The following SUMF1 variants were observed in gnomAD, a reference collection of about 807,000 sequenced individuals.
SUMF1 encodes formylglycine-generating enzyme.
In SUMF1, 48 loss-of-function variants were observed where a neutral mutation model predicts 47.6. The observed-to-expected ratio is 1.01, with a 90% CI of 0.80 to 1.28. The LOEUF (loss-of-function observed/expected upper bound fraction) is 1.28. Among genes scored for constraint, SUMF1 ranks in the 50% most tolerant of loss-of-function variants. SUMF1 has a pLI of 0.00. For synonymous variants in SUMF1, 230 were observed against 192.1 expected (o/e 1.20, Z -1.63); for missense variants, 571 against 485.4 (o/e 1.18, Z -1.66).
At chr3:4,274,943 A>C (rs1697381735) in intron 8 of SUMF1, among the ~76,000 whole-genome samples, 1 of 152,128 alleles carries the variant, frequency 6.6e-6, no homozygotes, top group Admixed American at 6.5e-5. Context: ...ACAAAGGAAA[A>C]AGTCCAAATG....
intron 8 of SUMF1, among the ~76,000 whole-genome samples, chr3:4,283,834 C>T (rs935923705): frequency 2.6e-5 from 4 of 152,050 alleles, no homozygotes; most frequent in Non-Finnish European, 5.9e-5. Context: ...GCATATTTGG[C>T]GTCTGGTAAG....
intron 8 of SUMF1, among the ~76,000 whole-genome samples, chr3:4,179,974 CA>C (rs986385045): frequency 5.4e-4 from 82 of 152,268 alleles, no homozygotes; most frequent in African/African-American, 1.9e-3. Flanking sequence ...TAGAGAAACA[CA>C]AATGAAAACC....
rs1699769854 is a variant in SUMF1 at position 4,361,863 on chromosome 3, C to G, written c.*281G>C. ...AGAGCCTGCGTAGGACGCGGGCCTCCTGAAGCCTAGCTCAGGGTTCCCTCC... is the reference window on the plus strand; with the variant it reads ...AGAGCCTGCGTAGGACGCGGGCCTCGTGAAGCCTAGCTCAGGGTTCCCTCC... On this transcript the variant is annotated 3_prime_UTR_variant, in exon 9 of 9. Coordinates refer to ENST00000272902, the MANE Select transcript of SUMF1 (RefSeq NM_182760.4). The G allele has an allele frequency of 2.3e-6, 1 of 427,220 alleles. No individual in the cohort carries two copies. Among genetic ancestry groups the G allele is most frequent in the African/African-American group, 2.0e-5 (1 of 49,512 alleles). The allele number at this position is 427,220 out of a possible 1,614,324, so 26.5% of individuals were successfully genotyped here.
chr3:4,178,915 A>G (rs1325959863), intron 8 of SUMF1, among the ~76,000 whole-genome samples: 1 of 152,210 alleles, frequency 6.6e-6, no homozygotes, highest in Non-Finnish European at 1.5e-5. Context: ...ACAAAGAGCC[A>G]AATCATGAAT....
At chr3:4,229,258 C>G (rs549512723) in intron 8 of SUMF1, 5 of 324,790 alleles carry the variant, frequency 1.5e-5, no homozygotes, top group South Asian at 1.3e-4. Flanking sequence ...ACTGCCCACC[C>G]GGACAATCAT....
intron 8 of SUMF1, among the ~76,000 whole-genome samples, chr3:4,143,733 T>A (rs1694126026): frequency 1.3e-5 from 2 of 152,040 alleles, no homozygotes; most frequent in Non-Finnish European, 2.9e-5. Context: ...TTTCCCAAGG[T>A]CATAAAGCTA....
chr3:4,097,702 G>T (rs1011648545), intron 8 of SUMF1, among the ~76,000 whole-genome samples: 3 of 152,100 alleles, frequency 2.0e-5, no homozygotes, highest in Non-Finnish European at 4.4e-5. Flanking sequence ...AGACTCTCCA[G>T]GACAATGTGC....
At chr3:4,204,188 C>A (rs1208004265) in intron 8 of SUMF1, among the ~76,000 whole-genome samples, 1 of 152,030 alleles carries the variant, frequency 6.6e-6, no homozygotes, top group African/African-American at 2.4e-5. Flanking sequence ...GACAAAACTT[C>A]TTGGCTTTTG....
chr3:4,462,012 T>C (rs762060062), intron 1 of SUMF1, among the ~76,000 whole-genome samples: 2 of 152,254 alleles, frequency 1.3e-5, no homozygotes, highest in East Asian at 1.9e-4. Flanking sequence ...AATGACTCTA[T>C]TATTCATTGG....
intron 7 of SUMF1, among the ~76,000 whole-genome samples, chr3:4,407,320 T>C (rs1031267568): frequency 6.6e-6 from 1 of 152,242 alleles, no homozygotes; most frequent in Non-Finnish European, 1.5e-5. Flanking sequence ...TACAGGGCAC[T>C]GACTATTCCC....
chr3:4,409,525 A>G (rs1218922720), intron 7 of SUMF1, among the ~76,000 whole-genome samples: 1 of 152,186 alleles, frequency 6.6e-6, no homozygotes, highest in Non-Finnish European at 1.5e-5. Context: ...CCAGCATTCT[A>G]AGGCCTTGTG....
chr3:4,171,871 T>C (rs889137392), intron 8 of SUMF1, among the ~76,000 whole-genome samples: 22 of 152,106 alleles, frequency 1.4e-4, no homozygotes, highest in Middle Eastern at 3.2e-3. Context: ...CCAGAAGGTG[T>C]AGAGAGGAAT....
intron 8 of SUMF1, among the ~76,000 whole-genome samples, chr3:4,162,332 G>A (rs745337817): frequency 6.6e-6 from 1 of 152,162 alleles, no homozygotes; most frequent in Non-Finnish European, 1.5e-5. Flanking sequence ...TCACTAGGTT[G>A]CATGTCCCCC....
At chr3:4,407,019 G>A (rs1279971764) in intron 7 of SUMF1, among the ~76,000 whole-genome samples, 5 of 151,948 alleles carry the variant, frequency 3.3e-5, no homozygotes, top group Non-Finnish European at 7.4e-5. Flanking sequence ...CCATTTACTA[G>A]GTTGTATCTG....
At chr3:4,173,399 T>C (rs1293959750) in intron 8 of SUMF1, among the ~76,000 whole-genome samples, 2 of 152,166 alleles carry the variant, frequency 1.3e-5, no homozygotes, top group Non-Finnish European at 2.9e-5. Context: ...GGAGAGGATG[T>C]AGAGAAATAG....
chr3:4,195,352 G>A (rs6777465), intron 8 of SUMF1, among the ~76,000 whole-genome samples: 64,681 of 151,834 alleles, frequency 0.43, 15,032 homozygotes, highest in Non-Finnish European at 0.54. Flanking sequence ...TAAGCCAAGG[G>A]AAGAGCAATA....
intron 8 of SUMF1, among the ~76,000 whole-genome samples, chr3:4,272,914 A>C (rs527317197): frequency 6.6e-6 from 1 of 152,138 alleles, no homozygotes; most frequent in African/African-American, 2.4e-5. Context: ...TCTCTACAGA[A>C]AAGTTTAAAA....
chr3:4,076,925 AC>A (rs1375300619), intron 8 of SUMF1, among the ~76,000 whole-genome samples: 1 of 151,984 alleles, frequency 6.6e-6, no homozygotes, highest in African/African-American at 2.4e-5. Context: ...AATGGCGTGA[AC>A]CCGAGAGGCA....
At chr3:4,136,032 T>C (rs557770155) in intron 8 of SUMF1, among the ~76,000 whole-genome samples, 1 of 152,078 alleles carries the variant, frequency 6.6e-6, no homozygotes, top group Non-Finnish European at 1.5e-5. Flanking sequence ...ATCAATATTG[T>C]GAAAATGGCC....
Sources: allele counts gnomAD v4.1 joint callset (sites outside exome capture counted in the v4.1 genomes callset), GRCh38; gene constraint gnomAD v4.1.1; transcripts MANE v1.5; gene names NCBI Gene and HGNC (gene_info 2026-07-23, HGNC 2026-07-21).